ZFR2: variants seen among roughly 807,000 people sequenced by gnomAD.
ZFR2 encodes the protein zinc finger RNA binding protein 2, also known as zinc finger RNA-binding protein 2.
In ZFR2, 104 loss-of-function variants were observed where a neutral mutation model predicts 105.7. The ratio of observed to expected loss-of-function variants is 0.98; its 90% confidence interval spans 0.84 to 1.16. The LOEUF (loss-of-function observed/expected upper bound fraction) is 1.16. ZFR2 is among the 50% of genes most tolerant of loss of function. ZFR2 has a pLI of 0.00. For missense variants in ZFR2, 1,425 were observed against 1,355.5 expected (o/e 1.05, Z -0.80); for synonymous variants, 634 against 597.7 (o/e 1.06, Z -0.89).
intron 16 of ZFR2, among the ~76,000 whole-genome samples, chr19:3,810,142 A>G (rs2037745548): frequency 1.3e-5 from 2 of 152,050 alleles, no homozygotes. Context: ...ACGCCACTCC[A>G]GCATGAGATG....
intron 3 of ZFR2, among the ~76,000 whole-genome samples, chr19:3,833,248 C>CAAAAAAAAAA (rs1206859994): frequency 1.3e-5 from 1 of 75,236 alleles, no homozygotes; most frequent in Non-Finnish European, 3.0e-5. Context: ...GACTCCGTCT[C>CAAAAAAAAAA]AAAAAAAAAA....
intron 7 of ZFR2, among the ~76,000 whole-genome samples, chr19:3,824,465 G>C (rs1285648336): frequency 6.6e-6 from 1 of 152,186 alleles, no homozygotes; most frequent in African/African-American, 2.4e-5. Flanking sequence ...CAGGCAGAGG[G>C]GTGTGAGGAT....
chr19:3,851,454 G>A (rs931322430), intron 1 of ZFR2, among the ~76,000 whole-genome samples: 1 of 152,184 alleles, frequency 6.6e-6, no homozygotes, highest in African/African-American at 2.4e-5. Flanking sequence ...ACCAAAACAT[G>A]CAAATGCATG....
intron 1 of ZFR2, among the ~76,000 whole-genome samples, chr19:3,839,563 AAAAAAAAAAAAAAAAGC>A (rs2038114544): frequency 1.4e-5 from 2 of 140,960 alleles, no homozygotes; most frequent in Non-Finnish European, 3.1e-5. Flanking sequence ...AAAAAAAAAA[AAAAAAAAAAAAAAAAGC>A]AGAAAGCAGT....
At chr19:3,828,224 A>G (rs1443993507) in intron 5 of ZFR2, among the ~76,000 whole-genome samples, 1 of 150,122 alleles carries the variant, frequency 6.7e-6, no homozygotes, top group African/African-American at 2.5e-5. Flanking sequence ...AGCTCACTGC[A>G]ACCTCCACCT....
intron 1 of ZFR2, among the ~76,000 whole-genome samples, chr19:3,853,022 A>C (rs1467032932): frequency 6.6e-6 from 1 of 152,198 alleles, no homozygotes; most frequent in Non-Finnish European, 1.5e-5. Context: ...CTCACCTGTA[A>C]TCCCAGCACT....
At chr19:3,815,750 AT>A (rs10579892) in intron 13 of ZFR2, among the ~76,000 whole-genome samples, 1,749 of 136,964 alleles carry the variant, frequency 0.013, 11 homozygotes, top group Middle Eastern at 0.019. Context: ...TGCTCAGCTA[AT>A]TTTTTTTTTT....
At chr19:3,833,498 C>T in intron 3 of ZFR2, 166 bp downstream of exon 3, 1 of 542,608 alleles carries the variant, frequency 1.8e-6, no homozygotes, top group South Asian at 2.3e-5. Context: ...ATGGCTTTAA[C>T]CTGGGAGGCG....
intron 1 of ZFR2, among the ~76,000 whole-genome samples, chr19:3,862,802 G>GT (rs1324461589): frequency 6.6e-6 from 1 of 152,192 alleles, no homozygotes; most frequent in Non-Finnish European, 1.5e-5. Context: ...CCCCTAACAC[G>GT]TATTTCAGCC....
At position 3,823,974 on chromosome 19, in the gene ZFR2, C is replaced by T. The variant is rs1004210470; in HGVS notation, c.1214-571G>A. 2.6e-5 allele frequency among the ~76,000 whole-genome samples: 4 copies of T among 152,172 alleles called. No homozygotes were observed. Among genetic ancestry groups the T allele is most frequent in the Non-Finnish European group, 5.9e-5 (4 of 68,050 alleles). On this transcript the variant is annotated intron_variant, in intron 7 of 18. Coordinates refer to ENST00000262961, the MANE Select transcript of ZFR2 (RefSeq NM_015174.2). This position sits in a 1 kb window ranked among gnomAD's most constrained non-coding sequence, Gnocchi z 5.4. ...CCACCGTTTACGGCTTTTCCATCTA[C>T]ACATTGGGACTGGTGACAACATTGA...
At chr19:3,830,230 G>A (rs1307212928) in intron 5 of ZFR2, among the ~76,000 whole-genome samples, 1 of 152,030 alleles carries the variant, frequency 6.6e-6, no homozygotes, top group African/African-American at 2.4e-5. Flanking sequence ...CTTGGGCCCA[G>A]GAGTTCGAGA....
At position 3,823,429 on chromosome 19, in the gene ZFR2, T is replaced by TA; in HGVS notation, c.1214-27dup. 1 of 1,566,650 alleles carries TA rather than the reference T, an allele frequency of 6.4e-7. No individual in the cohort carries two copies. The highest frequency in any genetic ancestry group is 8.6e-7 in the Non-Finnish European group (1 of 1,156,806). On this transcript the variant is annotated intron_variant, in intron 7 of 18. Transcript: ENST00000262961. The surrounding 1 kb of genome is among the most constrained non-coding windows in gnomAD (Gnocchi z 5.4). Reference sequence around the variant, plus strand: ...CTGAGGGGAAAAACCATGTCACTTATACCCTGTTCCAGGAGAAAGCACTGC... The same window carrying TA: ...CTGAGGGGAAAAACCATGTCACTTATAACCCTGTTCCAGGAGAAAGCACTGC...
chr19:3,825,433 G>A (rs750281116), intron 6 of ZFR2, 26 bp from the exon 7 acceptor site: 61 of 1,547,556 alleles, frequency 3.9e-5, no homozygotes, highest in South Asian at 3.0e-4. Context: ...CCGGGCTCCC[G>A]CGTGAGGGCC....
rs534663776 is a variant in ZFR2 at position 3,833,119 on chromosome 19, C to T, written c.379+545G>A. Among the ~76,000 whole-genome samples, 5 of 151,650 alleles carry T rather than the reference C, an allele frequency of 3.3e-5. No homozygotes were observed. The East Asian group carries it at 9.8e-4, about 30-fold the overall frequency. On this transcript the variant is annotated intron_variant, in intron 3 of 18. Coordinates refer to ENST00000262961, the MANE Select transcript of ZFR2 (RefSeq NM_015174.2). ...AAAAAATTAGCCAGGCATGGTGGCGCGTGCCTGCAGTCCCAGCTACTTGGG... is the reference window on the plus strand; with the variant it reads ...AAAAAATTAGCCAGGCATGGTGGCGTGTGCCTGCAGTCCCAGCTACTTGGG...
chr19:3,810,445 C>T (rs1039231705), intron 16 of ZFR2, among the ~76,000 whole-genome samples: 1 of 152,232 alleles, frequency 6.6e-6, no homozygotes, highest in Non-Finnish European at 1.5e-5. Context: ...GTCCGGCTTC[C>T]GCCCCTCTGC....
chr19:3,808,308 T>C (rs1192419288), intron 17 of ZFR2, among the ~76,000 whole-genome samples: 2 of 152,370 alleles, frequency 1.3e-5, no homozygotes, highest in African/African-American at 4.8e-5. Flanking sequence ...GCCCAGGCAA[T>C]GGGCCGAAAG....
intron 1 of ZFR2, 69 bp downstream of exon 1, chr19:3,868,896 G>C: frequency 8.5e-7 from 1 of 1,173,546 alleles, no homozygotes; most frequent in Non-Finnish European, 1.1e-6. Context: ...GCGGGAGAAG[G>C]GGTAGGCGGG....
At chr19:3,856,852 T>G (rs1436457975) in intron 1 of ZFR2, 1 of 152,002 alleles carries the variant, frequency 6.6e-6, no homozygotes, top group Non-Finnish European at 1.5e-5. Context: ...TGCCTCAGCC[T>G]CCCCAGTAGC....
Position 3,858,269 on chromosome 19 carries a change from G to A in ZFR2, c.53+10696C>T, listed in dbSNP as rs1322434570. Among the ~76,000 whole-genome samples, 1 of 152,166 alleles carries A rather than the reference G, an allele frequency of 6.6e-6. No homozygotes were observed. Among genetic ancestry groups the A allele is most frequent in the Non-Finnish European group, 1.5e-5 (1 of 68,044 alleles). On this transcript the variant is annotated intron_variant, in intron 1 of 18. Transcript: ENST00000262961. The surrounding 1 kb of genome is among the most constrained non-coding windows in gnomAD (Gnocchi z 4.3). The stretch of plus-strand genomic sequence containing the variant: ...GAAGAGACGGAGCAGGCTTAGGTGT[G>A]GTCCACACTTCAGAGGGACACGGGT...
Sources: gnomAD v4.1 joint callset for allele counts (sites outside exome capture counted in the v4.1 genomes callset) on GRCh38, gnomAD v4.1.1 for gene constraint, Gnocchi (gnomAD v3.1) non-coding constraint, MANE v1.5 for transcripts, NCBI Gene and HGNC (gene_info 2026-07-23, HGNC 2026-07-21) for gene names.